ARPP21: variants seen among roughly 807,000 people sequenced by gnomAD.
ARPP21 encodes the protein cAMP regulated phosphoprotein 21, also known as cAMP-regulated phosphoprotein 21.
A neutral mutation model predicts 113.2 loss-of-function variants in ARPP21; 69 were observed. The ratio of observed to expected loss-of-function variants is 0.61; its 90% CI spans 0.50 to 0.74. ARPP21 has a LOEUF of 0.74. Ranked by LOEUF, ARPP21 falls within the 30% of genes least tolerant of loss-of-function variation. The probability of loss-of-function intolerance (pLI) is 0.00; values close to 1 mark genes in which losing one functional copy is unlikely to be tolerated. For synonymous variants in ARPP21, 368 were observed against 375.5 expected (o/e 0.98, Z 0.23); for missense variants, 1,070 against 1,037.4 (o/e 1.03, Z -0.43).
At chr3:35,771,723 A>G (rs1209921016) in intron 19 of ARPP21, among the ~76,000 whole-genome samples, 2 of 152,214 alleles carry the variant, frequency 1.3e-5, no homozygotes, top group Non-Finnish European at 2.9e-5. Flanking sequence ...CACTGCATAG[A>G]ATGTGCAGGG....
intron 19 of ARPP21, among the ~76,000 whole-genome samples, chr3:35,782,860 A>G (rs1343795626): frequency 2.0e-5 from 3 of 152,156 alleles, no homozygotes; most frequent in Admixed American, 1.3e-4. Context: ...TCTGCCCAGC[A>G]TGGTGCTTCA....
chr3:35,704,444 T>G (rs2149927674), intron 9 of ARPP21, among the ~76,000 whole-genome samples: 1 of 152,008 alleles, frequency 6.6e-6, no homozygotes, highest in South Asian at 2.1e-4. Context: ...CACTTGAAAC[T>G]TAGAAGTTCC....
chr3:35,708,817 C>G (rs1360437722), intron 10 of ARPP21, 152 bp from the exon 11 acceptor site: 1 of 633,260 alleles, frequency 1.6e-6, no homozygotes, highest in Non-Finnish European at 2.8e-6. Context: ...TACATGCACC[C>G]AACACAGCCT....
At chr3:35,710,982 A>G (rs1041643210) in intron 11 of ARPP21, among the ~76,000 whole-genome samples, 5 of 152,274 alleles carry the variant, frequency 3.3e-5, no homozygotes, top group Admixed American at 3.3e-4. Context: ...TTTTTAAAAA[A>G]TAAAAGCACA....
intron 6 of ARPP21, 26 bp from the exon 7 acceptor site, chr3:35,689,281 C>G (rs371140362): frequency 9.1e-7 from 1 of 1,098,754 alleles, no homozygotes; most frequent in Non-Finnish European, 1.4e-6. Context: ...TCATTCCTGA[C>G]AGCTCCGTCC....
At position 35,707,052 on chromosome 3, in the gene ARPP21, T is replaced by C; in HGVS notation, c.765T>C (p.Asp255=). The change falls in exon 10 of 21, where the codon GAT becomes GAC. Residue 255 remains aspartate (D), a synonymous_variant. Coordinates refer to ENST00000684406, the MANE Select transcript of ARPP21 (RefSeq NM_001385562.1). ...AGAAGCGGTTTATCTTGAAGCGAGA[T>C]AACTCTAGTATTGATAAAGAAGACA... ...ESQKRFILKR[D]NSSIDKEDNQ... 1.2e-6 allele frequency: 2 copies of C among 1,613,924 alleles called. No homozygotes were observed. Among genetic ancestry groups the C allele is most frequent in the Non-Finnish European group, 1.7e-6 (2 of 1,179,828 alleles).
At chr3:35,706,411 C>T (rs993931182) in intron 9 of ARPP21, among the ~76,000 whole-genome samples, 27 of 152,250 alleles carry the variant, frequency 1.8e-4, no homozygotes, top group South Asian at 6.2e-4. Flanking sequence ...ATTACTGAAC[C>T]GATTTACAAG....
chr3:35,726,864 G>A (rs2093575305), intron 14 of ARPP21, among the ~76,000 whole-genome samples: 1 of 152,118 alleles, frequency 6.6e-6, no homozygotes, highest in Admixed American at 6.5e-5. Context: ...AAATACCTTG[G>A]TACAGGAGGT....
At chr3:35,750,526 C>T (rs564825909) in intron 19 of ARPP21, among the ~76,000 whole-genome samples, 32 of 152,262 alleles carry the variant, frequency 2.1e-4, no homozygotes, top group South Asian at 8.3e-4. Flanking sequence ...CACTTGAAAA[C>T]ACTGGGTATT....
rs1311086155 is a variant in ARPP21 at position 35,689,310 on chromosome 3, G to A, written c.410G>A (p.Cys137Tyr). Residue 137 changes from cysteine (C) to tyrosine (Y), a missense_variant, in exon 7 of 21, where the codon TGC becomes TAC. Coordinates refer to ENST00000684406, the MANE Select transcript of ARPP21 (RefSeq NM_001385562.1). ...TCCGTCCTGCTATTTGTTTCAGATT[G>A]CAGCCAAGAATACACGGATTCTACA... Reference protein sequence around the residue: ...KPKIRMLSKDCSQEYTDSTGI... With the variant: ...KPKIRMLSKDYSQEYTDSTGI... The A allele has an allele frequency of 2.6e-6, 4 of 1,532,350 alleles. No homozygotes were observed. Among genetic ancestry groups the A allele is most frequent in the Non-Finnish European group, 3.6e-6 (4 of 1,106,626 alleles). The allele number at this position is 1,532,350 out of a possible 1,614,324, so 94.9% of individuals were successfully genotyped here. A position where few individuals can be genotyped will look rare whatever the true frequency, so the allele number is the denominator to read the frequency against.
At chr3:35,780,594 T>C (rs528763768) in intron 19 of ARPP21, among the ~76,000 whole-genome samples, 2 of 151,896 alleles carry the variant, frequency 1.3e-5, no homozygotes, top group East Asian at 1.9e-4. Flanking sequence ...AAATAATGAG[T>C]GGGCTAAACA....
chr3:35,750,386 T>A (rs2095359211), intron 19 of ARPP21, among the ~76,000 whole-genome samples: 1 of 152,140 alleles, frequency 6.6e-6, no homozygotes, highest in Admixed American at 6.6e-5. Flanking sequence ...CCTTTTGTCT[T>A]CCTGTTACTG....
intron 20 of ARPP21, 101 bp downstream of exon 20, chr3:35,792,631 C>T (rs931530307): frequency 2.7e-5 from 27 of 1,000,440 alleles, no homozygotes; most frequent in South Asian, 4.2e-5. Flanking sequence ...CTGGGTAATG[C>T]GTGCTTGGTC....
chr3:35,774,546 T>C (rs572251105), intron 19 of ARPP21, among the ~76,000 whole-genome samples: 7 of 152,160 alleles, frequency 4.6e-5, no homozygotes, highest in Non-Finnish European at 1.0e-4. Context: ...GAGGAGTGTA[T>C]TGAGAAGCAG....
chr3:35,701,091 G>T (rs145709594), intron 9 of ARPP21, among the ~76,000 whole-genome samples: 1 of 151,458 alleles, frequency 6.6e-6, no homozygotes, highest in Non-Finnish European at 1.5e-5. Flanking sequence ...GTGATAAATC[G>T]ATCAATGGAA....
rs570035073 is a variant in ARPP21, at chr3:35,654,659, T to C, written c.-213+14261T>C. On this transcript the variant is annotated intron_variant, in intron 1 of 20. Coordinates refer to ENST00000684406, the MANE Select transcript of ARPP21 (RefSeq NM_001385562.1). ...TCCTTGACTGTGCTTTCAGTGTTTG[T>C]TGGCAGAGGGTGACGGTTGCTTTTA... Among the ~76,000 whole-genome samples the C allele has an allele frequency of 3.8e-4, 58 of 152,198 alleles. 1 individual carries two copies. The South Asian group carries it at 0.012, about 30-fold the overall frequency.
chr3:35,699,430 A>G (rs1158763339), intron 9 of ARPP21, among the ~76,000 whole-genome samples: 2 of 151,720 alleles, frequency 1.3e-5, no homozygotes, highest in Admixed American at 1.3e-4. Flanking sequence ...CTGGTTGTGT[A>G]TAATGAATAT....
At chr3:35,690,184 G>T (rs2081825986) in intron 8 of ARPP21, 44 bp downstream of exon 8, 2 of 911,340 alleles carry the variant, frequency 2.2e-6, no homozygotes, top group African/African-American at 1.6e-5. Context: ...ATGTATCCTA[G>T]TTTGGTATTG....
intron 2 of ARPP21, among the ~76,000 whole-genome samples, chr3:35,680,417 C>A (rs2078569018): frequency 6.6e-6 from 1 of 151,920 alleles, no homozygotes; most frequent in South Asian, 2.1e-4. Flanking sequence ...TGCATTCCCA[C>A]AATCCTTTGC....
Sources: gnomAD v4.1 joint callset for allele counts (sites outside exome capture counted in the v4.1 genomes callset) on GRCh38, gnomAD v4.1.1 for gene constraint, MANE v1.5 for transcripts, NCBI Gene and HGNC (gene_info 2026-07-23, HGNC 2026-07-21) for gene names.